The following TEX36 variants were observed in gnomAD, a reference collection of about 807,000 sequenced individuals.
TEX36 encodes the protein testis expressed 36.
TEX36 carries 12 observed loss-of-function variants against 13.6 expected under a neutral mutation model. That is an observed-to-expected ratio of 0.88 (90% CI 0.56 to 1.43). TEX36 has a LOEUF of 1.43. TEX36 is among the 40% of genes most tolerant of loss of function. The pLI, the probability that TEX36 is intolerant of heterozygous loss-of-function variation, is 0.00. For missense variants in TEX36, 224 were observed against 228.3 expected (o/e 0.98, Z 0.12); for synonymous variants, 93 against 83.0 (o/e 1.12, Z -0.65).
chr10:125,641,364 A>T (rs1846689749), intron 3 of TEX36, among the ~76,000 whole-genome samples: 1 of 152,252 alleles, frequency 6.6e-6, no homozygotes, highest in African/African-American at 2.4e-5. Flanking sequence ...AGTTGGTTTC[A>T]TATAGGAAAT....
At chr10:125,587,813 CTT>C (rs1464183934) in intron 3 of TEX36, among the ~76,000 whole-genome samples, 1 of 145,184 alleles carries the variant, frequency 6.9e-6, no homozygotes, top group Non-Finnish European at 1.5e-5. Context: ...AAAAAAGACA[CTT>C]TATACACATG....
intron 3 of TEX36, among the ~76,000 whole-genome samples, chr10:125,589,591 A>T (rs1003843794): frequency 2.0e-5 from 3 of 152,218 alleles, no homozygotes; most frequent in African/African-American, 7.2e-5. Flanking sequence ...ATTGAGTTTT[A>T]TTAAAATATT....
At chr10:125,644,602 T>C (rs1349437175) in intron 3 of TEX36, among the ~76,000 whole-genome samples, 1 of 152,198 alleles carries the variant, frequency 6.6e-6, no homozygotes, top group East Asian at 1.9e-4. Flanking sequence ...GGCTTGTGGA[T>C]TGTACCAATA....
At chr10:125,645,175 G>A (rs1846749597) in intron 3 of TEX36, among the ~76,000 whole-genome samples, 1 of 152,188 alleles carries the variant, frequency 6.6e-6, no homozygotes. Context: ...GTTAAATGGT[G>A]TTGTTATAAG....
chr10:125,587,660 A>C (rs1220528781), intron 3 of TEX36, among the ~76,000 whole-genome samples: 1 of 151,994 alleles, frequency 6.6e-6, no homozygotes, highest in East Asian at 2.0e-4. Flanking sequence ...GGTGGCATGC[A>C]CCTGTAATCC....
chr10:125,658,807 G>A (rs1358526386), intron 3 of TEX36, among the ~76,000 whole-genome samples: 1 of 151,892 alleles, frequency 6.6e-6, no homozygotes, highest in Non-Finnish European at 1.5e-5. Flanking sequence ...TAAATCATAG[G>A]CTATTTGAAA....
At chr10:125,583,640 A>G (rs1428953791) in intron 3 of TEX36, among the ~76,000 whole-genome samples, 1 of 152,232 alleles carries the variant, frequency 6.6e-6, no homozygotes, top group East Asian at 1.9e-4. Context: ...TCTAGCAAAA[A>G]GCCCATCTAT....
At chr10:125,611,172 A>G (rs1846284814) in intron 3 of TEX36, among the ~76,000 whole-genome samples, 1 of 152,208 alleles carries the variant, frequency 6.6e-6, no homozygotes. Context: ...TCTATTGTAA[A>G]TAACACTGGG....
At chr10:125,659,570 G>A (rs1259473082) in intron 3 of TEX36, among the ~76,000 whole-genome samples, 2 of 152,212 alleles carry the variant, frequency 1.3e-5, no homozygotes, top group Non-Finnish European at 2.9e-5. Flanking sequence ...GGCAGGCAAA[G>A]TGGGTATTCT....
chr10:125,611,338 C>T (rs1004647850), intron 3 of TEX36, among the ~76,000 whole-genome samples: 31 of 152,314 alleles, frequency 2.0e-4, no homozygotes, highest in African/African-American at 7.0e-4. Flanking sequence ...TATTCCCACC[C>T]GTTTCCTGCC....
chr10:125,597,534 T>A (rs1478286233), intron 3 of TEX36, among the ~76,000 whole-genome samples: 1 of 152,156 alleles, frequency 6.6e-6, no homozygotes, highest in Non-Finnish European at 1.5e-5. Context: ...AATCAATACA[T>A]GGAGGTTTTA....
chr10:125,621,073 T>A (rs947954626), downstream of TEX36, among the ~76,000 whole-genome samples: 6 of 152,202 alleles, frequency 3.9e-5, no homozygotes, highest in Admixed American at 1.3e-4. Flanking sequence ...GTGAATTGTG[T>A]TGCTATAAAA....
chr10:125,604,045 T>A (rs1278099710), intron 3 of TEX36, among the ~76,000 whole-genome samples: 2 of 152,058 alleles, frequency 1.3e-5, no homozygotes, highest in Non-Finnish European at 2.9e-5. Context: ...GCAATGAGCC[T>A]AGGATGAGGG....
At chr10:125,678,318 G>A (rs1233965000) in intron 1 of TEX36, among the ~76,000 whole-genome samples, 1 of 152,196 alleles carries the variant, frequency 6.6e-6, no homozygotes, top group Admixed American at 6.5e-5. Context: ...GATTTCCTCA[G>A]TGTGTTAGGG....
At chr10:125,660,578 T>C (rs1439882914) in intron 3 of TEX36, among the ~76,000 whole-genome samples, 3 of 152,236 alleles carry the variant, frequency 2.0e-5, no homozygotes, top group Non-Finnish European at 2.9e-5. Context: ...TCTCCAGTGA[T>C]GGGGAACTCA....
chr10:125,668,869 C>T (rs1368072200), intron 1 of TEX36, among the ~76,000 whole-genome samples: 2 of 152,052 alleles, frequency 1.3e-5, no homozygotes, highest in African/African-American at 2.4e-5. Context: ...ATAAATTTTC[C>T]TCTGCTTGGC....
At chr10:125,587,785 TTA>T (rs1491181574) in intron 3 of TEX36, among the ~76,000 whole-genome samples, 2 of 61,610 alleles carry the variant, frequency 3.2e-5, no homozygotes, top group Non-Finnish European at 6.8e-5. Flanking sequence ...TGTCTCAAAA[TTA>T]AAAAAAAAAA....
chr10:125,667,075 A>G, intron 1 of TEX36: 1 of 1,241,068 alleles, frequency 8.1e-7, no homozygotes, highest in Admixed American at 1.7e-5. Flanking sequence ...AGAAGGTCAC[A>G]GGGAGCACTT....
chr10:125,660,682 G>A (rs192398878), intron 3 of TEX36, among the ~76,000 whole-genome samples: 24 of 152,196 alleles, frequency 1.6e-4, no homozygotes, highest in African/African-American at 5.8e-4. Flanking sequence ...CGTGGATCCT[G>A]GTTCTGCCAT....
Sources: allele counts gnomAD v4.1 joint callset (sites outside exome capture counted in the v4.1 genomes callset), GRCh38; gene constraint gnomAD v4.1.1; transcripts MANE v1.5; gene names NCBI Gene and HGNC (gene_info 2026-07-23, HGNC 2026-07-21).